CPVL: variants seen among roughly 807,000 people sequenced by gnomAD.
CPVL encodes the protein carboxypeptidase vitellogenic like.
CPVL carries 51 observed loss-of-function variants against 63.7 expected under a neutral mutation model. That is an observed-to-expected ratio of 0.80 (90% confidence interval 0.64 to 1.01). The LOEUF (loss-of-function observed/expected upper bound fraction) is 1.01. Ranked by LOEUF, CPVL falls within the 50% of genes least tolerant of loss-of-function variation. The pLI is 0.00. For missense variants in CPVL, 530 were observed against 573.1 expected, an observed-to-expected ratio of 0.92 and a Z score of 0.77; for synonymous variants, 195 against 206.0, an observed-to-expected ratio of 0.95 and a Z score of 0.46.
intron 11 of CPVL, among the ~76,000 whole-genome samples, chr7:29,053,008 C>T (rs1790356539): frequency 6.6e-6 from 1 of 152,150 alleles, no homozygotes. Context: ...TATTTGGATA[C>T]ACATTTCTCC....
At chr7:29,128,998 G>A (rs919754920) in intron 1 of CPVL, among the ~76,000 whole-genome samples, 13 of 152,124 alleles carry the variant, frequency 8.5e-5, no homozygotes, top group African/African-American at 2.9e-4. Context: ...CTTCATCTGT[G>A]TTAGCATTTT....
chr7:29,132,327 G>A (rs1790780491), intron 1 of CPVL, among the ~76,000 whole-genome samples: 1 of 152,132 alleles, frequency 6.6e-6, no homozygotes, highest in Admixed American at 6.5e-5. Context: ...GGTATTGAAA[G>A]CTAACCTGTA....
At chr7:29,028,531 A>T (rs557848803) in intron 12 of CPVL, among the ~76,000 whole-genome samples, 1 of 152,354 alleles carries the variant, frequency 6.6e-6, no homozygotes, top group South Asian at 2.1e-4. Context: ...CAGCAAAGGG[A>T]ACAATCAATA....
At chr7:29,174,495 G>A (rs1332377680) in intron 5 of CPVL, among the ~76,000 whole-genome samples, 2 of 152,260 alleles carry the variant, frequency 1.3e-5, no homozygotes, top group East Asian at 3.9e-4. Flanking sequence ...AGCCATGGGG[G>A]CACAAAGCAG....
At chr7:29,109,349 C>T (rs1462783990) in intron 3 of CPVL, among the ~76,000 whole-genome samples, 2 of 152,198 alleles carry the variant, frequency 1.3e-5, no homozygotes, top group African/African-American at 2.4e-5. Context: ...GAGGATATGA[C>T]AAGTGTGCCA....
intron 3 of CPVL, 85 bp from the exon 4 acceptor site, chr7:29,096,302 C>T (rs774439712): frequency 8.5e-6 from 9 of 1,059,020 alleles, no homozygotes; most frequent in Non-Finnish European, 1.2e-5. Flanking sequence ...CCCAAATCCT[C>T]TCTGTGTTAC....
At chr7:29,106,334 A>G (rs976147838) in intron 3 of CPVL, among the ~76,000 whole-genome samples, 1 of 151,960 alleles carries the variant, frequency 6.6e-6, no homozygotes, top group Non-Finnish European at 1.5e-5. Context: ...CCTAGGGTAT[A>G]TTGTGTTCAT....
At chr7:29,108,885 C>T (rs1265927481) in intron 3 of CPVL, among the ~76,000 whole-genome samples, 2 of 152,196 alleles carry the variant, frequency 1.3e-5, no homozygotes, top group Non-Finnish European at 2.9e-5. Context: ...ACTCAAGTGC[C>T]TTCCATGACT....
At chr7:29,107,404 A>G (rs1165089438) in intron 3 of CPVL, among the ~76,000 whole-genome samples, 1 of 152,234 alleles carries the variant, frequency 6.6e-6, no homozygotes, top group Non-Finnish European at 1.5e-5. Flanking sequence ...ATACTTAACT[A>G]TAGAACCACA....
At chr7:29,110,479 G>T (rs1788132574) in intron 3 of CPVL, among the ~76,000 whole-genome samples, 1 of 152,176 alleles carries the variant, frequency 6.6e-6, no homozygotes, top group South Asian at 2.1e-4. Context: ...GGCTGGAGTG[G>T]TTTCACAGAG....
intron 11 of CPVL, among the ~76,000 whole-genome samples, chr7:29,059,664 A>G (rs1791079363): frequency 6.6e-6 from 1 of 152,188 alleles, no homozygotes; most frequent in African/African-American, 2.4e-5. Flanking sequence ...AACACTCAAC[A>G]GTCTGGGTAT....
intron 5 of CPVL, among the ~76,000 whole-genome samples, chr7:29,164,115 C>T (rs2128715014): frequency 6.6e-6 from 1 of 152,216 alleles, no homozygotes; most frequent in South Asian, 2.1e-4. Context: ...TTTTCCATTC[C>T]CACCAGCAGT....
chr7:29,149,484 G>T (rs913612938), upstream of CPVL, among the ~76,000 whole-genome samples: 8 of 152,052 alleles, frequency 5.3e-5, no homozygotes, highest in African/African-American at 9.7e-5. Context: ...GTAAGCCACC[G>T]TGCCCAGCCT....
intron 1 of CPVL, among the ~76,000 whole-genome samples, chr7:29,128,614 G>A (rs1318899946): frequency 6.6e-6 from 1 of 151,176 alleles, no homozygotes. Flanking sequence ...TACTCATGAG[G>A]TTGAGGCAGG....
At chr7:29,194,820 G>C in intron 1 of CPVL, 2 of 847,806 alleles carry the variant, frequency 2.4e-6, no homozygotes, top group Non-Finnish European at 3.2e-6. Flanking sequence ...GGTGCTTTCT[G>C]CGCGTCCCCA....
intron 3 of CPVL, among the ~76,000 whole-genome samples, chr7:29,105,950 C>G (rs1787677092): frequency 6.6e-6 from 1 of 152,182 alleles, no homozygotes; most frequent in Non-Finnish European, 1.5e-5. Flanking sequence ...ATGCCCTGGG[C>G]TAGGGAGAGT....
At chr7:29,081,413 C>G (rs1584203855) in intron 7 of CPVL, 1 of 152,200 alleles carries the variant, frequency 6.6e-6, no homozygotes, top group Admixed American at 6.5e-5. Flanking sequence ...AGCTTCTCCC[C>G]TTTCCTTTGC....
At chr7:29,036,700 A>AATC (rs752891678) in intron 11 of CPVL, among the ~76,000 whole-genome samples, 9 of 152,194 alleles carry the variant, frequency 5.9e-5, no homozygotes, top group Non-Finnish European at 1.3e-4. Flanking sequence ...TGGAATTCAA[A>AATC]ATCACATGGA....
intron 11 of CPVL, among the ~76,000 whole-genome samples, chr7:29,042,419 A>G (rs1039411541): frequency 2.0e-5 from 3 of 152,112 alleles, no homozygotes; most frequent in Admixed American, 1.3e-4. Flanking sequence ...TCTGGGCAAC[A>G]CAGCAATATC....
Sources: allele counts gnomAD v4.1 joint callset (sites outside exome capture counted in the v4.1 genomes callset), GRCh38; gene constraint gnomAD v4.1.1; transcripts MANE v1.5; gene names NCBI Gene and HGNC (gene_info 2026-07-23, HGNC 2026-07-21).